The following NT5C2 variants were observed in gnomAD, a reference collection of about 807,000 sequenced individuals.
NT5C2 encodes 5'-nucleotidase, cytosolic II, also known as cytosolic purine 5'-nucleotidase.
NT5C2 carries 58 observed loss-of-function variants against 76.1 expected under a neutral mutation model. That is an observed-to-expected ratio of 0.76 (90% confidence interval 0.62 to 0.95). The LOEUF (loss-of-function observed/expected upper bound fraction) is 0.95. Ranked by LOEUF, NT5C2 falls within the 40% of genes least tolerant of loss-of-function variation. NT5C2 has a pLI of 0.00. For synonymous variants in NT5C2, 229 were observed against 237.4 expected, an observed-to-expected ratio of 0.96 and a Z score of 0.32; for missense variants, 478 against 690.3, an observed-to-expected ratio of 0.69 and a Z score of 3.45.
chr10:103,109,888 C>T (rs2072487076), intron 4 of NT5C2, among the ~76,000 whole-genome samples: 1 of 152,100 alleles, frequency 6.6e-6, no homozygotes, highest in South Asian at 2.1e-4. Context: ...AGCACAAATC[C>T]TAGAATAGCA....
At chr10:103,137,381 G>A (rs1185167543) in intron 4 of NT5C2, among the ~76,000 whole-genome samples, 1 of 152,326 alleles carries the variant, frequency 6.6e-6, no homozygotes, top group Admixed American at 6.5e-5. Flanking sequence ...AAATGACAAA[G>A]AGTATGGAGG....
At chr10:103,174,430 G>A (rs1211357652) in intron 3 of NT5C2, among the ~76,000 whole-genome samples, 1 of 152,070 alleles carries the variant, frequency 6.6e-6, no homozygotes, top group Non-Finnish European at 1.5e-5. Flanking sequence ...AACTAGCTGG[G>A]TGCAGTAGCC....
intron 4 of NT5C2, among the ~76,000 whole-genome samples, chr10:103,114,400 C>T (rs2073859069): frequency 6.6e-6 from 1 of 152,016 alleles, no homozygotes; most frequent in Non-Finnish European, 1.5e-5. Context: ...CAGAGCGAGA[C>T]TCTGTCTCAA....
At chr10:103,159,257 A>G (rs866747164) in intron 3 of NT5C2, among the ~76,000 whole-genome samples, 7 of 126,658 alleles carry the variant, frequency 5.5e-5, no homozygotes, top group Non-Finnish European at 1.0e-4. Flanking sequence ...ACATGCACAC[A>G]CACACACACA....
chr10:103,162,594 T>C (rs1020915108), intron 3 of NT5C2, among the ~76,000 whole-genome samples: 7 of 152,208 alleles, frequency 4.6e-5, no homozygotes, highest in Admixed American at 2.0e-4. Flanking sequence ...ACTGCTCTCA[T>C]ACATTGTAAG....
chr10:103,150,396 G>A (rs940973669), intron 3 of NT5C2, among the ~76,000 whole-genome samples: 1 of 152,024 alleles, frequency 6.6e-6, no homozygotes, highest in Non-Finnish European at 1.5e-5. Context: ...TTCATTGTAT[G>A]GATATACCAC....
intron 1 of NT5C2, among the ~76,000 whole-genome samples, chr10:103,182,716 TACA>T (rs1428618344): frequency 2.6e-5 from 4 of 152,182 alleles, no homozygotes; most frequent in African/African-American, 9.7e-5. Context: ...CCCTAAAACT[TACA>T]TGGAAAGGAT....
intron 4 of NT5C2, among the ~76,000 whole-genome samples, chr10:103,129,113 G>A (rs1303226001): frequency 3.1e-5 from 4 of 129,928 alleles, no homozygotes; most frequent in African/African-American, 8.6e-5. Context: ...CGTGCCGTCC[G>A]GGAGGGAGGT....
intron 2 of NT5C2, among the ~76,000 whole-genome samples, chr10:103,179,052 G>A (rs536170166): frequency 2.7e-5 from 4 of 150,518 alleles, no homozygotes; most frequent in Non-Finnish European, 4.4e-5. Flanking sequence ...AGGTTCAAGC[G>A]ATTCTCCTGC....
intron 4 of NT5C2, among the ~76,000 whole-genome samples, chr10:103,116,394 A>G (rs1404309571): frequency 1.3e-5 from 2 of 152,294 alleles, no homozygotes; most frequent in Non-Finnish European, 2.9e-5. Flanking sequence ...TTTAAATAGC[A>G]GAAGTGTACA....
intron 3 of NT5C2, among the ~76,000 whole-genome samples, chr10:103,167,984 T>C (rs1328436331): frequency 6.6e-6 from 1 of 152,056 alleles, no homozygotes; most frequent in South Asian, 2.1e-4. Flanking sequence ...AAATTACATA[T>C]ACACAAATTC....
chr10:103,152,037 T>C (rs1469207435), intron 3 of NT5C2, among the ~76,000 whole-genome samples: 2 of 152,188 alleles, frequency 1.3e-5, no homozygotes, highest in Non-Finnish European at 1.5e-5. Context: ...GGGTAAAAAT[T>C]AGCACTAACT....
intron 4 of NT5C2, among the ~76,000 whole-genome samples, chr10:103,127,998 C>T (rs1423848948): frequency 6.6e-6 from 1 of 151,658 alleles, no homozygotes; most frequent in Non-Finnish European, 1.5e-5. Context: ...CCATACCCAC[C>T]CCCTGCAAAA....
chr10:103,181,183 A>G lies in NT5C2; in HGVS notation c.-25+2T>C, dbSNP rs946413884. 1.3e-5 allele frequency: 2 copies of G among 152,010 alleles called. No homozygotes were observed. Among genetic ancestry groups the G allele is most frequent in the Admixed American group, 1.3e-4 (2 of 15,216 alleles). 9.4% of individuals were successfully genotyped at this position (152,010 alleles called of 1,614,324 possible). A position where few individuals can be genotyped will look rare whatever the true frequency, so the allele number is the denominator to read the frequency against. On this transcript the variant is annotated splice_donor_variant, in intron 2 of 18. Coordinates refer to ENST00000404739, the MANE Select transcript of NT5C2 (RefSeq NM_001351169.2). LOFTEE classifies it low-confidence loss of function (5UTR_SPLICE). ...ATATACTCTGTGCAACTTATTGTAT[A>G]CCAATTATGCCACAATAAGACTTTT...
At chr10:103,191,839 A>T (rs564126586) in intron 1 of NT5C2, among the ~76,000 whole-genome samples, 8 of 152,262 alleles carry the variant, frequency 5.3e-5, no homozygotes, top group African/African-American at 1.9e-4. Context: ...AGTGGTTTAC[A>T]CTGCAATGGA....
chr10:103,160,357 T>G (rs1052690080), intron 3 of NT5C2, among the ~76,000 whole-genome samples: 1 of 152,130 alleles, frequency 6.6e-6, no homozygotes, highest in Non-Finnish European at 1.5e-5. Context: ...AAACATGTCA[T>G]GAAAAGCATA....
At chr10:103,169,616 C>G (rs1011892053) in intron 3 of NT5C2, among the ~76,000 whole-genome samples, 14 of 135,304 alleles carry the variant, frequency 1.0e-4, no homozygotes, top group African/African-American at 3.6e-4. Context: ...AAGACCCTGT[C>G]TCAAAAAAAA....
intron 10 of NT5C2, 135 bp downstream of exon 10, chr10:103,098,796 T>G: frequency 1.5e-6 from 1 of 648,076 alleles, no homozygotes; most frequent in Non-Finnish European, 2.7e-6. Context: ...ATATTCTTGG[T>G]GATTATACCC....
At chr10:103,133,950 A>T (rs1483234950) in intron 4 of NT5C2, among the ~76,000 whole-genome samples, 5 of 152,108 alleles carry the variant, frequency 3.3e-5, no homozygotes, top group African/African-American at 4.8e-5. Context: ...TACCCTAGAG[A>T]TTTGTGGAAC....
Sources: gnomAD v4.1 joint callset for allele counts (sites outside exome capture counted in the v4.1 genomes callset) on GRCh38, gnomAD v4.1.1 for gene constraint, MANE v1.5 for transcripts, NCBI Gene and HGNC (gene_info 2026-07-23, HGNC 2026-07-21) for gene names.